Variants in RNF220 observed in about 807,000 individuals in gnomAD.
The protein encoded by RNF220 is ring finger protein 220, also known as E3 ubiquitin-protein ligase RNF220.
RNF220 carries 7 observed loss-of-function variants against 67.1 expected under a neutral mutation model. The observed-to-expected ratio is 0.10, with a 90% CI of 0.06 to 0.20. The LOEUF (loss-of-function observed/expected upper bound fraction) is 0.20, where lower values mean the gene tolerates loss of function less well. Ranked by LOEUF, RNF220 falls within the 10% of genes least tolerant of loss-of-function variation. The pLI, the probability that RNF220 is intolerant of heterozygous loss-of-function variation, is 1.00. For synonymous variants in RNF220, 270 were observed against 283.2 expected (o/e 0.95, Z 0.47); for missense variants, 565 against 740.3 (o/e 0.76, Z 2.75).
At chr1:44,504,191 G>A (rs997830274) in intron 2 of RNF220, among the ~76,000 whole-genome samples, 2 of 152,144 alleles carry the variant, frequency 1.3e-5, no homozygotes, top group Admixed American at 6.5e-5. Context: ...CTGATGCTCC[G>A]TAAAGTTCTA....
At chr1:44,474,969 G>A (rs938045104) in intron 2 of RNF220, among the ~76,000 whole-genome samples, 1 of 151,950 alleles carries the variant, frequency 6.6e-6, no homozygotes, top group Admixed American at 6.6e-5. Context: ...TTTTGTAAAC[G>A]CAGTGATATA....
rs190852846 is a variant in RNF220 at position 44,626,091 on chromosome 1, A to G, written c.805-206A>G. ...AAGCAGGGTCCCTCAAGGGGTCTCT[A>G]CCCATCCCTAAAACCAAGCCATGCT... On this transcript the variant is annotated intron_variant, in intron 4 of 14. Coordinates refer to ENST00000361799, the MANE Select transcript of RNF220 (RefSeq NM_018150.4). Among the ~76,000 whole-genome samples, 5 of 152,150 alleles carry G rather than the reference A, an allele frequency of 3.3e-5. No homozygotes were observed. In the East Asian group the frequency reaches 7.7e-4, roughly 24 times the overall value.
At position 44,482,094 on chromosome 1, in the gene RNF220, C is replaced by T. The variant is rs144737934; in HGVS notation, c.625+69372C>T. On this transcript the variant is annotated intron_variant, in intron 2 of 14. Coordinates refer to ENST00000361799, the MANE Select transcript of RNF220 (RefSeq NM_018150.4). ...CCCTTGATTTTGGTTTTATTTCATT[C>T]CCATTTTACAGACAAGAAAACAGAA... Among the ~76,000 whole-genome samples, 401 of 152,262 alleles carry T rather than the reference C, an allele frequency of 2.6e-3. 1 individual carries two copies. The highest frequency in any genetic ancestry group is 0.014 in the Middle Eastern group (4 of 294).
intron 2 of RNF220, among the ~76,000 whole-genome samples, chr1:44,512,322 C>T (rs1238227785): frequency 5.9e-5 from 9 of 151,928 alleles, no homozygotes; most frequent in Non-Finnish European, 1.0e-4. Context: ...TGGGGGGAGG[C>T]GGTGGGTTGA....
intron 2 of RNF220, among the ~76,000 whole-genome samples, chr1:44,459,920 A>C: frequency 6.6e-6 from 1 of 152,312 alleles, no homozygotes; most frequent in African/African-American, 2.4e-5. Flanking sequence ...GAAGTCACTG[A>C]TGATCTTGGT....
chr1:44,479,502 G>A (rs1029519640), intron 2 of RNF220, among the ~76,000 whole-genome samples: 1 of 151,962 alleles, frequency 6.6e-6, no homozygotes, highest in Non-Finnish European at 1.5e-5. Flanking sequence ...AGAATCTACC[G>A]AGACTTAAGT....
intron 2 of RNF220, among the ~76,000 whole-genome samples, chr1:44,443,796 G>C (rs758567752): frequency 2.6e-5 from 4 of 152,092 alleles, no homozygotes; most frequent in Non-Finnish European, 4.4e-5. Flanking sequence ...TCCAGCTCAA[G>C]AAATAGAGCA....
At chr1:44,591,249 A>G (rs1409769013) in intron 2 of RNF220, among the ~76,000 whole-genome samples, 1 of 152,224 alleles carries the variant, frequency 6.6e-6, no homozygotes, top group African/African-American at 2.4e-5. Context: ...CACTGCACCC[A>G]GCCAGGAACA....
intron 3 of RNF220, 51 bp downstream of exon 3, chr1:44,614,348 C>G (rs1339796124): frequency 6.3e-7 from 1 of 1,594,736 alleles, no homozygotes; most frequent in African/African-American, 1.3e-5. Flanking sequence ...ACTCAGGGTT[C>G]TGGCCACCGG....
At chr1:44,491,176 T>G (rs1257996780) in intron 2 of RNF220, among the ~76,000 whole-genome samples, 1 of 152,194 alleles carries the variant, frequency 6.6e-6, no homozygotes, top group Non-Finnish European at 1.5e-5. Context: ...TTAATACCAG[T>G]TCTTCACCAA....
intron 5 of RNF220, among the ~76,000 whole-genome samples, chr1:44,627,267 C>G (rs989401303): frequency 1.4e-5 from 2 of 144,638 alleles, no homozygotes; most frequent in Non-Finnish European, 3.0e-5. Context: ...ATCACTTGAA[C>G]CCGGGAGGCA....
intron 2 of RNF220, among the ~76,000 whole-genome samples, chr1:44,429,829 T>G (rs760201682): frequency 2.0e-5 from 3 of 152,184 alleles, no homozygotes; most frequent in Non-Finnish European, 2.9e-5. Context: ...TATGAAAAAT[T>G]TAAATACAAA....
At chr1:44,528,326 A>C (rs899807951) in intron 2 of RNF220, among the ~76,000 whole-genome samples, 1 of 150,466 alleles carries the variant, frequency 6.6e-6, no homozygotes, top group African/African-American at 2.5e-5. Context: ...TTTGAGACGG[A>C]GTCTCACTCT....
At chr1:44,541,041 A>ATCT (rs759050844) in intron 2 of RNF220, among the ~76,000 whole-genome samples, 2 of 152,162 alleles carry the variant, frequency 1.3e-5, no homozygotes, top group African/African-American at 2.4e-5. Flanking sequence ...CTTTCACTTA[A>ATCT]TCTTCCCAAC....
chr1:44,452,903 T>G (rs1276025437), intron 2 of RNF220, among the ~76,000 whole-genome samples: 1 of 152,212 alleles, frequency 6.6e-6, no homozygotes, highest in Non-Finnish European at 1.5e-5. Flanking sequence ...AAATATCTTA[T>G]AAGTATTTTG....
At chr1:44,583,876 T>C (rs1054865111) in intron 2 of RNF220, among the ~76,000 whole-genome samples, 2 of 152,234 alleles carry the variant, frequency 1.3e-5, no homozygotes, top group African/African-American at 4.8e-5. Flanking sequence ...AATGGATGGA[T>C]AAATGGTGGG....
In RNF220 at chr1:44,649,806, G is replaced by A. The variant is rs572835327; in HGVS notation, c.1554+37G>A. On this transcript the variant is annotated intron_variant, in intron 13 of 14. Transcript: ENST00000361799. The surrounding 1 kb of genome is among the most constrained non-coding windows in gnomAD (Gnocchi z 5.9). ...AGAACCTAGGGGTGCCCTTGGTCAG[G>A]CTTCCACGCCCTCTGGGGGAGTTGG... The A allele has an allele frequency of 1.2e-6, 2 of 1,613,398 alleles. No individual in the cohort carries two copies. The highest frequency in any genetic ancestry group is 2.7e-5 in the African/African-American group (2 of 75,000).
At chr1:44,480,161 T>C (rs1351287387) in intron 2 of RNF220, among the ~76,000 whole-genome samples, 1 of 152,180 alleles carries the variant, frequency 6.6e-6, no homozygotes, top group Non-Finnish European at 1.5e-5. Context: ...CCCAGCACTT[T>C]GGGAGGCCAA....
intron 2 of RNF220, among the ~76,000 whole-genome samples, chr1:44,479,421 T>C (rs1211191279): frequency 6.6e-6 from 1 of 152,150 alleles, no homozygotes; most frequent in African/African-American, 2.4e-5. Context: ...CGGCCAACTT[T>C]GTGGATTTTT....
Sources: allele counts gnomAD v4.1 joint callset (sites outside exome capture counted in the v4.1 genomes callset), GRCh38; gene constraint gnomAD v4.1.1; non-coding constraint Gnocchi (gnomAD v3.1); transcripts MANE v1.5; gene names NCBI Gene and HGNC (gene_info 2026-07-23, HGNC 2026-07-21).